The following KANK1 variants were observed in gnomAD, a reference collection of about 807,000 sequenced individuals.
KANK1 encodes KN motif and ankyrin repeat domains 1.
In KANK1, 109 loss-of-function variants were observed where a neutral mutation model predicts 106.2. That is an observed-to-expected ratio of 1.03 (90% CI 0.88 to 1.20). The LOEUF is 1.20. KANK1 is among the 50% of genes most tolerant of loss of function. The probability of loss-of-function intolerance (pLI) is 0.00; values close to 1 mark genes in which losing one functional copy is unlikely to be tolerated. For missense variants in KANK1, 2,399 were observed against 1,710.7 expected (o/e 1.40, Z -7.10); for synonymous variants, 873 against 652.2 (o/e 1.34, Z -5.16).
intron 1 of KANK1, among the ~76,000 whole-genome samples, chr9:671,800 T>A (rs1250538975): frequency 1.3e-5 from 2 of 151,406 alleles, no homozygotes; most frequent in Non-Finnish European, 2.9e-5. Flanking sequence ...ATGCAAAAAT[T>A]AGCTGGGCAT....
intron 1 of KANK1, among the ~76,000 whole-genome samples, chr9:577,397 A>C (rs951751248): frequency 6.6e-6 from 1 of 152,160 alleles, no homozygotes; most frequent in Non-Finnish European, 1.5e-5. Flanking sequence ...GTGTGTTTAC[A>C]AACCTTTAGA....
At position 583,922 on chromosome 9, in the gene KANK1, A is replaced by G. The variant is rs184254237; in HGVS notation, c.-84+79168A>G. Among the ~76,000 whole-genome samples the G allele has an allele frequency of 3.1e-3, 472 of 152,262 alleles. 1 individual carries two copies. Among genetic ancestry groups the G allele is most frequent in the African/African-American group, 0.011 (461 of 41,548 alleles). Reference sequence around the variant, plus strand: ...ATTAAATCTATACAATACAATTTAAAAAATAACATTACCCATTGTTAGAGG... The same window carrying G: ...ATTAAATCTATACAATACAATTTAAGAAATAACATTACCCATTGTTAGAGG... On this transcript the variant is annotated intron_variant, in intron 1 of 11. Coordinates refer to ENST00000382297, the MANE Select transcript of KANK1 (RefSeq NM_015158.5).
intron 7 of KANK1, among the ~76,000 whole-genome samples, chr9:736,141 G>T (rs1037360140): frequency 2.0e-5 from 3 of 152,094 alleles, no homozygotes; most frequent in Non-Finnish European, 2.9e-5. Context: ...TGTATTTTTA[G>T]TAGAGACCGG....
intron 1 of KANK1, among the ~76,000 whole-genome samples, chr9:591,024 C>T (rs1323789108): frequency 6.6e-6 from 1 of 151,694 alleles, no homozygotes; most frequent in East Asian, 1.9e-4. Flanking sequence ...ACAAAAAAAC[C>T]TTACCAGTTT....
chr9:574,182 G>C (rs1257340728), intron 1 of KANK1, among the ~76,000 whole-genome samples: 2 of 152,236 alleles, frequency 1.3e-5, no homozygotes, highest in Non-Finnish European at 2.9e-5. Context: ...TCTTCCCTTA[G>C]GAAAGGGGGC....
chr9:630,738 C>G (rs1437354890), intron 1 of KANK1, among the ~76,000 whole-genome samples: 2 of 151,146 alleles, frequency 1.3e-5, no homozygotes, highest in African/African-American at 4.9e-5. Context: ...CCTGTGTCTA[C>G]TAAAAATACA....
chr9:588,843 T>C (rs914145841), intron 1 of KANK1, among the ~76,000 whole-genome samples: 4 of 152,200 alleles, frequency 2.6e-5, no homozygotes, highest in South Asian at 2.1e-4. Flanking sequence ...TAAAGTACTT[T>C]AGAACAGTGC....
At chr9:497,211 A>G (rs1162499781) in intron 3 of KANK1, among the ~76,000 whole-genome samples, 1 of 152,112 alleles carries the variant, frequency 6.6e-6, no homozygotes, top group Non-Finnish European at 1.5e-5. Flanking sequence ...TTTAGTCTCA[A>G]AAAAAAGAAA....
intron 3 of KANK1, among the ~76,000 whole-genome samples, chr9:724,739 T>A (rs1830236305): frequency 6.6e-6 from 1 of 151,708 alleles, no homozygotes; most frequent in Non-Finnish European, 1.5e-5. Context: ...GAGGTGGAGG[T>A]TGCAGTGAGC....
intron 1 of KANK1, among the ~76,000 whole-genome samples, chr9:572,557 A>C (rs1416693442): frequency 6.7e-6 from 1 of 148,502 alleles, no homozygotes; most frequent in African/African-American, 2.6e-5. Context: ...ATCTCAAAAA[A>C]AAAAAATTTT....
Position 745,333 on chromosome 9 carries a change from C to A in KANK1, c.*98C>A. On this transcript the variant is annotated 3_prime_UTR_variant, in exon 12 of 12. Transcript: ENST00000382297. ...TGAATGTATACGTATTGTGCCTGAG[C>A]TCACCAGCAAACAGAAGCATCAAGC... The A allele has an allele frequency of 6.8e-7, 1 of 1,476,238 alleles. No homozygotes were observed. Among genetic ancestry groups the A allele is most frequent in the Non-Finnish European group, 9.4e-7 (1 of 1,060,388 alleles). 91.4% of individuals were successfully genotyped at this position (1,476,238 alleles called of 1,614,324 possible).
At chr9:524,988 T>TC (rs2059719842) in intron 1 of KANK1, among the ~76,000 whole-genome samples, 1 of 108,460 alleles carries the variant, frequency 9.2e-6, no homozygotes, top group Non-Finnish European at 1.8e-5. Flanking sequence ...CTGCCTTTTT[T>TC]TTTTTTTTTT....
At chr9:664,948 C>T (rs886805771) in intron 1 of KANK1, among the ~76,000 whole-genome samples, 1 of 152,010 alleles carries the variant, frequency 6.6e-6, no homozygotes, top group African/African-American at 2.4e-5. Flanking sequence ...CTTCTTATAC[C>T]CTTTGTTCAT....
At position 643,543 on chromosome 9, in the gene KANK1, ATTTTTTT is replaced by A. The variant is rs774468238; in HGVS notation, c.-83-33332_-83-33326del. 3.2e-3 allele frequency among the ~76,000 whole-genome samples: 332 copies of A among 102,448 alleles called. 14 individuals carry two copies. The highest frequency in any genetic ancestry group is 9.1e-3 in the Admixed American group (87 of 9,608). The allele number at this position is 102,448 out of a possible 152,430, so 67.2% of individuals were successfully genotyped here. A position where few individuals can be genotyped will look rare whatever the true frequency, so the allele number is the denominator to read the frequency against. On this transcript the variant is annotated intron_variant, in intron 1 of 11. Transcript: ENST00000382297. ...CCAGAATTTGCTTTTTTTCTTTTTG[ATTTTTTT>A]TTTTTTTTTTTTTTGGTAGTGATAG...
rs1836907804 is a variant in KANK1, at chr9:745,297, G to A, written c.*62G>A. On this transcript the variant is annotated 3_prime_UTR_variant, in exon 12 of 12. Coordinates refer to ENST00000382297, the MANE Select transcript of KANK1 (RefSeq NM_015158.5). ...TAAGCTGCTAATTGTTCCTGTTGGG[G>A]TGACAGATACTGAATGTATACGTAT... The A allele has an allele frequency of 6.3e-6, 10 of 1,596,286 alleles. No homozygotes were observed. Among genetic ancestry groups the A allele is most frequent in the Middle Eastern group, 1.7e-4 (1 of 6,050 alleles).
chr9:596,615 A>G (rs1826286023), intron 1 of KANK1, among the ~76,000 whole-genome samples: 1 of 151,764 alleles, frequency 6.6e-6, no homozygotes, highest in South Asian at 2.1e-4. Flanking sequence ...GCCCGTTTAC[A>G]CTGGTACCAC....
intron 1 of KANK1, among the ~76,000 whole-genome samples, chr9:670,726 G>A (rs1441594866): frequency 1.3e-5 from 2 of 152,128 alleles, no homozygotes; most frequent in African/African-American, 4.8e-5. Flanking sequence ...TCCACAGGGT[G>A]GTATCTCCCT....
chr9:639,872 G>T (rs1444541473), intron 1 of KANK1, among the ~76,000 whole-genome samples: 1 of 152,168 alleles, frequency 6.6e-6, no homozygotes, highest in African/African-American at 2.4e-5. Context: ...TTACATGGCA[G>T]ATGGGCAAAA....
At chr9:569,571 C>A (rs1487798922) in intron 1 of KANK1, among the ~76,000 whole-genome samples, 1 of 152,138 alleles carries the variant, frequency 6.6e-6, no homozygotes, top group African/African-American at 2.4e-5. Context: ...GACTTCTCAG[C>A]CTTTGTACCT....
Sources: allele counts gnomAD v4.1 joint callset (sites outside exome capture counted in the v4.1 genomes callset), GRCh38; gene constraint gnomAD v4.1.1; transcripts MANE v1.5; gene names NCBI Gene and HGNC (gene_info 2026-07-23, HGNC 2026-07-21).